DNM3: variants seen among roughly 807,000 people sequenced by gnomAD.
DNM3 encodes dynamin-3.
A neutral mutation model predicts 101.6 loss-of-function variants in DNM3; 47 were observed. The ratio of observed to expected loss-of-function variants is 0.46; its 90% confidence interval spans 0.37 to 0.59. The LOEUF (loss-of-function observed/expected upper bound fraction) is 0.59. DNM3 is among the 20% of genes least tolerant of loss of function. DNM3 has a pLI of 0.00. For synonymous variants in DNM3, 385 were observed against 387.9 expected, an observed-to-expected ratio of 0.99 and a Z score of 0.09; for missense variants, 849 against 1,085.7, an observed-to-expected ratio of 0.78 and a Z score of 3.06.
At chr1:172,068,774 T>C in intron 10 of DNM3, 45 bp from the exon 11 acceptor site, 1 of 1,454,108 alleles carries the variant, frequency 6.9e-7, no homozygotes, top group Admixed American at 2.0e-5. Flanking sequence ...TTTTTGGTAG[T>C]GTAACTTTTT....
At chr1:172,134,010 T>G (rs747769081) in intron 14 of DNM3, among the ~76,000 whole-genome samples, 24 of 152,158 alleles carry the variant, frequency 1.6e-4, no homozygotes, top group Admixed American at 2.6e-4. Context: ...AAGATTGCCC[T>G]GGCTGCTGGA....
At chr1:172,111,116 T>G (rs2055442287) in intron 13 of DNM3, among the ~76,000 whole-genome samples, 1 of 152,264 alleles carries the variant, frequency 6.6e-6, no homozygotes, top group Non-Finnish European at 1.5e-5. Context: ...ATAAAGAAAC[T>G]GATTTAAGCT....
chr1:171,886,289 T>C (rs574540424), intron 1 of DNM3, among the ~76,000 whole-genome samples: 16 of 152,316 alleles, frequency 1.1e-4, no homozygotes, highest in Middle Eastern at 3.4e-3. Flanking sequence ...TCACAGATAG[T>C]AGATCCAGTC....
chr1:171,958,958 A>G (rs2043034004), intron 2 of DNM3, among the ~76,000 whole-genome samples: 1 of 152,212 alleles, frequency 6.6e-6, no homozygotes, highest in South Asian at 2.1e-4. Flanking sequence ...ATGTGCATCA[A>G]CAGTAATAAG....
At chr1:172,402,031 T>A (rs1210048755) in intron 20 of DNM3, among the ~76,000 whole-genome samples, 1 of 152,146 alleles carries the variant, frequency 6.6e-6, no homozygotes, top group Non-Finnish European at 1.5e-5. Flanking sequence ...TTTGGGCCCA[T>A]TCACACTCAT....
chr1:172,346,850 C>A (rs2066965932), intron 17 of DNM3, among the ~76,000 whole-genome samples: 1 of 152,114 alleles, frequency 6.6e-6, no homozygotes, highest in Non-Finnish European at 1.5e-5. Context: ...TAATGCCTGG[C>A]AAACAGGTGT....
chr1:172,393,947 T>C (rs1327783268), intron 20 of DNM3: 1 of 152,384 alleles, frequency 6.6e-6, no homozygotes, highest in Non-Finnish European at 1.5e-5. Context: ...TGAGTTGTCA[T>C]GATGCTTAAT....
chr1:172,327,701 A>G (rs1399900823), intron 17 of DNM3, among the ~76,000 whole-genome samples: 2 of 152,154 alleles, frequency 1.3e-5, no homozygotes, highest in African/African-American at 4.8e-5. Context: ...ACTTAAGCCA[A>G]TACATGCCCT....
chr1:172,280,902 A>G (rs1004338357), intron 15 of DNM3, among the ~76,000 whole-genome samples: 1 of 152,176 alleles, frequency 6.6e-6, no homozygotes, highest in Non-Finnish European at 1.5e-5. Flanking sequence ...GAAATATTGT[A>G]AATGGGTGAA....
At chr1:172,173,300 T>C (rs768920418) in intron 14 of DNM3, among the ~76,000 whole-genome samples, 1 of 151,656 alleles carries the variant, frequency 6.6e-6, no homozygotes, top group Non-Finnish European at 1.5e-5. Flanking sequence ...GACGCCAAAG[T>C]TTTTGTTAAA....
chr1:172,048,403 G>A (rs1464797254), intron 9 of DNM3, among the ~76,000 whole-genome samples: 8 of 152,190 alleles, frequency 5.3e-5, no homozygotes, highest in East Asian at 3.9e-4. Context: ...TTATTGCTGC[G>A]AAACAGCAAG....
intron 2 of DNM3, among the ~76,000 whole-genome samples, chr1:171,980,797 G>GCC (rs2044734812): frequency 7.6e-6 from 1 of 132,362 alleles, no homozygotes; most frequent in African/African-American, 3.0e-5. Context: ...TTGAGACAGA[G>GCC]TCTCACTCTG....
intron 16 of DNM3, 82 bp downstream of exon 16, chr1:172,308,921 G>A: frequency 1.4e-6 from 1 of 719,908 alleles, no homozygotes; most frequent in Non-Finnish European, 2.1e-6. Context: ...ATAAGCTGGA[G>A]AAACTAGTTT....
chr1:172,144,999 T>G (rs2057801645), intron 14 of DNM3, among the ~76,000 whole-genome samples: 1 of 152,176 alleles, frequency 6.6e-6, no homozygotes, highest in African/African-American at 2.4e-5. Context: ...AGCAGTCATT[T>G]CATCTTCAGG....
At chr1:172,283,588 C>T (rs1487695825) in intron 15 of DNM3, among the ~76,000 whole-genome samples, 3 of 151,310 alleles carry the variant, frequency 2.0e-5, no homozygotes, top group Admixed American at 6.6e-5. Flanking sequence ...GCTGAAACGC[C>T]GTCTCTACTA....
intron 15 of DNM3, among the ~76,000 whole-genome samples, chr1:172,292,601 T>TCA (rs3079013): frequency 0.15 from 22,187 of 148,452 alleles, 2,077 homozygotes; most frequent in African/African-American, 0.28. Context: ...ATAGAAGACT[T>TCA]CACACACACA....
intron 17 of DNM3, chr1:172,339,123 ATATGT>A (rs2066577091): frequency 4.4e-6 from 2 of 455,488 alleles, no homozygotes; most frequent in East Asian, 5.8e-5. Context: ...TCGTATTTTG[ATATGT>A]TAAGTTGTTG....
rs752046031 is a variant in DNM3, at chr1:172,387,355, C to T, written c.2281C>T (p.Arg761Cys). Residue 761 changes from arginine (R) to cysteine (C), a missense_variant, in exon 19 of 21, where the codon CGC becomes TGC. Transcript: ENST00000627582. ...PVDDSWIQHS[R>C]RSPPPSPTTQ... ...GGATGACTCCTGGATACAGCACTCT[C>T]GCAGGTAAGAAGATGGCCCCGGCCG... 3.1e-6 allele frequency: 5 copies of T among 1,612,474 alleles called. No individual in the cohort carries two copies. The highest frequency in any genetic ancestry group is 2.2e-5 in the South Asian group (2 of 90,946).
intron 14 of DNM3, among the ~76,000 whole-genome samples, chr1:172,160,516 C>A (rs1281685564): frequency 2.0e-5 from 3 of 151,804 alleles, no homozygotes; most frequent in African/African-American, 7.3e-5. Context: ...GGATTGGAAT[C>A]CTCCATATCA....
Sources: gnomAD v4.1 joint callset for allele counts (sites outside exome capture counted in the v4.1 genomes callset) on GRCh38, gnomAD v4.1.1 for gene constraint, MANE v1.5 for transcripts, NCBI Gene and HGNC (gene_info 2026-07-23, HGNC 2026-07-21) for gene names.